The following PRKCE variants were observed in gnomAD, a reference collection of about 807,000 sequenced individuals.
PRKCE encodes the protein protein kinase C epsilon type.
A neutral mutation model predicts 85.4 loss-of-function variants in PRKCE; 16 were observed. The observed-to-expected ratio is 0.19, with a 90% CI of 0.13 to 0.28. PRKCE has a LOEUF of 0.28. Ranked by LOEUF, PRKCE falls within the 10% of genes least tolerant of loss-of-function variation. The pLI, the probability that PRKCE is intolerant of heterozygous loss-of-function variation, is 1.00. For missense variants in PRKCE, 573 were observed against 975.2 expected, an observed-to-expected ratio of 0.59 and a Z score of 5.49; for synonymous variants, 388 against 371.5, an observed-to-expected ratio of 1.04 and a Z score of -0.51.
At chr2:45,770,488 G>A (rs748812969) in intron 1 of PRKCE, among the ~76,000 whole-genome samples, 11 of 152,136 alleles carry the variant, frequency 7.2e-5, no homozygotes, top group South Asian at 2.1e-4. Context: ...TCTGGAGCTC[G>A]CAGAAGGACG....
chr2:45,694,670 G>A (rs1354889523), intron 1 of PRKCE, among the ~76,000 whole-genome samples: 6 of 152,224 alleles, frequency 3.9e-5, no homozygotes, highest in Admixed American at 2.0e-4. Flanking sequence ...GGACATGAGT[G>A]AGACTTCGAA....
At chr2:46,027,991 G>C (rs7584410) in intron 10 of PRKCE, among the ~76,000 whole-genome samples, 38,217 of 151,440 alleles carry the variant, frequency 0.25, 5,327 homozygotes, top group African/African-American at 0.36. Flanking sequence ...GCCCAGACTG[G>C]AGTGCAGTGG....
At position 46,004,225 on chromosome 2, in the gene PRKCE, C is replaced by T; in HGVS notation, c.967-317C>T. Reference sequence around the variant, plus strand: ...CCTCGCACAACCCGAACTACTTCATCCTTTTGGATGGGGTTGGATCAAACA... The same window carrying T: ...CCTCGCACAACCCGAACTACTTCATTCTTTTGGATGGGGTTGGATCAAACA... On this transcript the variant is annotated intron_variant, in intron 7 of 14. Transcript: ENST00000306156. This position sits in a 1 kb window ranked among gnomAD's most constrained non-coding sequence, Gnocchi z 4.1. The T allele has an allele frequency of 2.8e-6, 1 of 351,218 alleles. No homozygotes were observed. Among genetic ancestry groups the T allele is most frequent in the South Asian group, 2.4e-5 (1 of 40,926 alleles). The allele number at this position is 351,218 out of a possible 1,614,324, so 21.8% of individuals were successfully genotyped here.
At chr2:45,717,305 A>G (rs753671154) in intron 1 of PRKCE, among the ~76,000 whole-genome samples, 2 of 152,210 alleles carry the variant, frequency 1.3e-5, no homozygotes, top group Non-Finnish European at 2.9e-5. Context: ...TGGGTTAAAG[A>G]GCAGCACTTA....
chr2:45,743,073 G>T (rs1266785894), intron 1 of PRKCE, among the ~76,000 whole-genome samples: 2 of 152,158 alleles, frequency 1.3e-5, no homozygotes, highest in African/African-American at 4.8e-5. Flanking sequence ...AAACAAGTCA[G>T]ACTCAGAATA....
At chr2:45,762,888 AC>A (rs1400354080) in intron 1 of PRKCE, among the ~76,000 whole-genome samples, 1 of 152,026 alleles carries the variant, frequency 6.6e-6, no homozygotes, top group Non-Finnish European at 1.5e-5. Flanking sequence ...AGAGCAAGCT[AC>A]AGGTAGGTGC....
chr2:45,852,686 A>G lies in PRKCE; in HGVS notation c.412+9623A>G, dbSNP rs1006730138. Among the ~76,000 whole-genome samples the G allele has an allele frequency of 5.3e-5, 8 of 152,210 alleles. No homozygotes were observed. In the East Asian group the frequency reaches 9.6e-4, roughly 18 times the overall value. On this transcript the variant is annotated intron_variant, in intron 2 of 14. Transcript: ENST00000306156. ...TGAGTCAAAACCAAGAGAGGTTTGC[A>G]TACAGCTGGGCACCTGGAAGGGGGA...
intron 1 of PRKCE, among the ~76,000 whole-genome samples, chr2:45,702,615 CT>C (rs1678740240): frequency 6.6e-6 from 1 of 152,162 alleles, no homozygotes; most frequent in Admixed American, 6.5e-5. Context: ...TGTTGAATAA[CT>C]ATTGATTGAG....
At chr2:45,985,907 G>A (rs1015584396) in intron 6 of PRKCE, among the ~76,000 whole-genome samples, 2 of 152,240 alleles carry the variant, frequency 1.3e-5, no homozygotes, top group African/African-American at 4.8e-5. Flanking sequence ...TCTAGACTGA[G>A]CATTTAGATG....
Position 46,128,250 on chromosome 2 carries a change from G to A in PRKCE, c.1593-16843G>A, listed in dbSNP as rs895753173. Among the ~76,000 whole-genome samples the A allele has an allele frequency of 2.6e-5, 4 of 151,992 alleles. No individual in the cohort carries two copies. The East Asian group carries it at 5.8e-4, about 22-fold the overall frequency. On this transcript the variant is annotated intron_variant, in intron 11 of 14. Transcript: ENST00000306156. ...AACAAAAAAAAAAGAGTAGATATTC[G>A]AATCTGTTTACATGACAGTGATTTT...
intron 11 of PRKCE, among the ~76,000 whole-genome samples, chr2:46,091,873 T>A (rs1390138715): frequency 1.3e-5 from 2 of 152,228 alleles, no homozygotes; most frequent in East Asian, 1.9e-4. Context: ...AATGAATTAT[T>A]TCTTGTCCTT....
At position 45,947,775 on chromosome 2, in the gene PRKCE, C is replaced by G. The variant is rs531517253; in HGVS notation, c.413-28654C>G. 5.3e-5 allele frequency among the ~76,000 whole-genome samples: 8 copies of G among 152,296 alleles called. No individual in the cohort carries two copies. The South Asian group carries it at 1.4e-3, about 28-fold the overall frequency. On this transcript the variant is annotated intron_variant, in intron 2 of 14. Coordinates refer to ENST00000306156, the MANE Select transcript of PRKCE (RefSeq NM_005400.3). ...CTTCTTGTGGTGATGGTTGTTACTACAAACAGCATTTCTGTAGAATTAAAA... is the reference window on the plus strand; with the variant it reads ...CTTCTTGTGGTGATGGTTGTTACTAGAAACAGCATTTCTGTAGAATTAAAA...
Position 46,151,046 on chromosome 2 carries a change from G to T in PRKCE, c.1737G>T (p.Leu579=). Residue 579 remains leucine (L), a synonymous_variant, in exon 13 of 15, where the codon CTG becomes CTT. Transcript: ENST00000306156. The part of the protein sequence containing the change: ...GTPDYIAPEI[L]QELEYGPSVD... ...ATTGCTGGTTTCCTGAACAGATCCT[G>T]CAGGAGTTGGAGTATGGCCCCTCCG... is the stretch of plus-strand genomic sequence containing the variant. The T allele has an allele frequency of 6.3e-7, 1 of 1,598,070 alleles. No individual in the cohort carries two copies. The highest frequency in any genetic ancestry group is 8.5e-7 in the Non-Finnish European group (1 of 1,178,824).
chr2:45,925,183 C>T (rs981774086), intron 2 of PRKCE, among the ~76,000 whole-genome samples: 2 of 152,148 alleles, frequency 1.3e-5, no homozygotes, highest in African/African-American at 2.4e-5. Flanking sequence ...TTCTCATTTC[C>T]AAGACTCGTA....
At chr2:46,102,142 A>C (rs1671301550) in intron 11 of PRKCE, among the ~76,000 whole-genome samples, 1 of 152,120 alleles carries the variant, frequency 6.6e-6, no homozygotes, top group Non-Finnish European at 1.5e-5. Flanking sequence ...ATACCATGGA[A>C]ATCAGCAAGG....
chr2:45,731,804 G>C (rs1001908163), intron 1 of PRKCE, among the ~76,000 whole-genome samples: 1 of 151,876 alleles, frequency 6.6e-6, no homozygotes, highest in Non-Finnish European at 1.5e-5. Context: ...TTTTTGTAGA[G>C]ACAAGGTCTC....
At chr2:45,865,757 C>G (rs537094291) in intron 2 of PRKCE, among the ~76,000 whole-genome samples, 1 of 151,848 alleles carries the variant, frequency 6.6e-6, no homozygotes, top group South Asian at 2.1e-4. Flanking sequence ...TGCCAGTGCC[C>G]TGATCTTGGA....
Position 45,786,985 on chromosome 2 carries a change from C to A in PRKCE, c.349-56015C>A, listed in dbSNP as rs116458774. On this transcript the variant is annotated intron_variant, in intron 1 of 14. Transcript: ENST00000306156. The surrounding 1 kb of genome is among the most constrained non-coding windows in gnomAD (Gnocchi z 5.3). ...AGTCACTTGAGGCTTTGGTTCAAGT[C>A]GGGATTTCCCATCGGTTTCCCCTGG... Among the ~76,000 whole-genome samples the A allele has an allele frequency of 3.3e-5, 5 of 152,170 alleles. No homozygotes were observed. The highest frequency in any genetic ancestry group is 7.2e-5 in the African/African-American group (3 of 41,426).
intron 2 of PRKCE, among the ~76,000 whole-genome samples, chr2:45,902,550 G>A: frequency 6.6e-6 from 1 of 152,322 alleles, no homozygotes; most frequent in East Asian, 1.9e-4. Context: ...GAAAAGCTGT[G>A]CTGGGGAAAA....
Sources: allele counts gnomAD v4.1 joint callset (sites outside exome capture counted in the v4.1 genomes callset), GRCh38; gene constraint gnomAD v4.1.1; non-coding constraint Gnocchi (gnomAD v3.1); transcripts MANE v1.5; gene names NCBI Gene and HGNC (gene_info 2026-07-23, HGNC 2026-07-21).